PHF14: variants seen among roughly 807,000 people sequenced by gnomAD.
The protein encoded by PHF14 is PHD finger protein 14.
PHF14 carries 55 observed loss-of-function variants against 117.9 expected under a neutral mutation model. The ratio of observed to expected loss-of-function variants is 0.47; its 90% CI spans 0.38 to 0.58. The LOEUF (loss-of-function observed/expected upper bound fraction) is 0.58, where lower values mean the gene tolerates loss of function less well. Among genes scored for constraint, PHF14 ranks in the 20% least tolerant of loss-of-function variants. PHF14 has a pLI of 0.00. For synonymous variants in PHF14, 409 were observed against 368.6 expected (o/e 1.11, Z -1.26); for missense variants, 978 against 1,122.2 (o/e 0.87, Z 1.84).
At chr7:11,025,600 C>T (rs372843547) in intron 6 of PHF14, among the ~76,000 whole-genome samples, 13 of 151,820 alleles carry the variant, frequency 8.6e-5, no homozygotes, top group East Asian at 3.9e-4. Context: ...AAGACCATCC[C>T]GGGTAACACG....
Position 10,983,011 on chromosome 7 carries a change from A to G in PHF14, c.752A>G (p.Asn251Ser). The stretch of plus-strand genomic sequence containing the variant: ...GGAAGCGGGAGTGATGAAGACGAGA[A>G]TGATGAAGGCAATGATGAAGATCAT... The part of the protein sequence containing the change: ...DEGSGSDEDE[N>S]DEGNDEDHSS... Residue 251 changes from asparagine (N) to serine (S), a missense_variant, in exon 3 of 18, where the codon AAT (asparagine) becomes AGT (serine). Physicochemically the swap from Asn to Ser is conservative, Grantham distance 46 (BLOSUM62 1). Coordinates refer to ENST00000634607, the MANE Select transcript of PHF14 (RefSeq NM_001007157.2). 1 of 1,584,762 alleles carries G rather than the reference A, an allele frequency of 6.3e-7. No individual in the cohort carries two copies. The highest frequency in any genetic ancestry group is 1.1e-5 in the South Asian group (1 of 88,106).
chr7:11,168,770 C>T (rs182994723), intron 17 of PHF14, among the ~76,000 whole-genome samples: 83 of 152,190 alleles, frequency 5.5e-4, no homozygotes, highest in Admixed American at 1.2e-3. Flanking sequence ...ATTGCTTATA[C>T]TTTGAAGGTT....
intron 16 of PHF14, among the ~76,000 whole-genome samples, chr7:11,067,585 A>G (rs1257209604): frequency 6.6e-6 from 1 of 152,226 alleles, no homozygotes; most frequent in Non-Finnish European, 1.5e-5. Context: ...TAAAGGATAA[A>G]CAAAATGTAG....
chr7:11,067,370 G>A (rs1467385819), intron 16 of PHF14, among the ~76,000 whole-genome samples: 8 of 152,036 alleles, frequency 5.3e-5, no homozygotes, highest in African/African-American at 1.9e-4. Context: ...TTGCCCTTGG[G>A]AATATAAAAT....
chr7:11,101,172 T>C (rs963316320), intron 16 of PHF14, among the ~76,000 whole-genome samples: 1 of 151,950 alleles, frequency 6.6e-6, no homozygotes, highest in Non-Finnish European at 1.5e-5. Context: ...AATAGCTTTT[T>C]AGTTTTTATC....
intron 4 of PHF14, among the ~76,000 whole-genome samples, chr7:10,991,136 G>A (rs531244655): frequency 1.3e-5 from 2 of 150,910 alleles, no homozygotes; most frequent in African/African-American, 2.4e-5. Flanking sequence ...GACTACAGGC[G>A]CCCACCACCA....
At chr7:11,168,167 T>A (rs1789265141) in intron 17 of PHF14, among the ~76,000 whole-genome samples, 1 of 152,180 alleles carries the variant, frequency 6.6e-6, no homozygotes, top group Non-Finnish European at 1.5e-5. Flanking sequence ...AAACAGTGGC[T>A]ATCATACTTG....
At position 10,973,889 on chromosome 7, in the gene PHF14, G is replaced by C. The variant is rs1002443078; in HGVS notation, c.-435G>C. 1.2e-5 allele frequency: 2 copies of C among 170,610 alleles called. No homozygotes were observed. The highest frequency in any genetic ancestry group is 5.8e-5 in the Admixed American group (1 of 17,172). 10.6% of individuals were successfully genotyped at this position (170,610 alleles called of 1,614,324 possible). ...GTGTTTTCACTTCCTTTTCAGAGCT[G>C]TATCCGGGTCGCTGCTTTCCCTATT... is the stretch of plus-strand genomic sequence containing the variant. On this transcript the variant is annotated 5_prime_UTR_variant, in exon 1 of 18. Transcript: ENST00000634607.
intron 16 of PHF14, among the ~76,000 whole-genome samples, chr7:11,064,730 G>A (rs1785366637): frequency 6.6e-6 from 1 of 151,936 alleles, no homozygotes; most frequent in African/African-American, 2.4e-5. Flanking sequence ...CATGCAATTT[G>A]TCAGTACATT....
At chr7:11,075,583 T>A (rs1054044453) in intron 16 of PHF14, among the ~76,000 whole-genome samples, 9 of 147,162 alleles carry the variant, frequency 6.1e-5, no homozygotes, top group African/African-American at 7.5e-5. Context: ...TTTTTTTTTT[T>A]TTTTTTTATT....
intron 13 of PHF14, among the ~76,000 whole-genome samples, chr7:11,044,250 A>G (rs897607076): frequency 1.1e-4 from 17 of 152,062 alleles, no homozygotes; most frequent in African/African-American, 3.9e-4. Flanking sequence ...TTCATATTCC[A>G]AACCTCAGTA....
intron 17 of PHF14, among the ~76,000 whole-genome samples, chr7:11,122,769 C>G (rs148313137): frequency 6.6e-6 from 1 of 152,178 alleles, no homozygotes; most frequent in East Asian, 1.9e-4. Flanking sequence ...CCTTCCACTG[C>G]CCTATAGTTC....
intron 14 of PHF14, among the ~76,000 whole-genome samples, chr7:11,058,974 G>A (rs1020281526): frequency 6.6e-6 from 1 of 151,976 alleles, no homozygotes; most frequent in Non-Finnish European, 1.5e-5. Context: ...TATGTGTCTT[G>A]TGTTATTTTA....
At chr7:11,123,700 A>G (rs1446789211) in intron 17 of PHF14, among the ~76,000 whole-genome samples, 2 of 152,062 alleles carry the variant, frequency 1.3e-5, no homozygotes, top group Non-Finnish European at 2.9e-5. Context: ...GAATCACTTG[A>G]ACCCAGGAGG....
intron 4 of PHF14, among the ~76,000 whole-genome samples, chr7:11,011,587 T>C (rs1180231174): frequency 6.6e-6 from 1 of 152,200 alleles, no homozygotes; most frequent in Non-Finnish European, 1.5e-5. Context: ...ATTTTATCTT[T>C]AGAAATGACC....
chr7:11,004,751 T>G (rs1368596115), intron 4 of PHF14, among the ~76,000 whole-genome samples: 1 of 151,724 alleles, frequency 6.6e-6, no homozygotes, highest in Non-Finnish European at 1.5e-5. Flanking sequence ...AGACGTATAA[T>G]GTGGCTGGGT....
intron 4 of PHF14, among the ~76,000 whole-genome samples, chr7:11,002,629 G>C (rs1782916752): frequency 6.6e-6 from 1 of 151,874 alleles, no homozygotes; most frequent in Non-Finnish European, 1.5e-5. Context: ...TTTTATTAGA[G>C]ACGGGATTTC....
intron 3 of PHF14, among the ~76,000 whole-genome samples, chr7:10,985,165 G>C (rs1782173002): frequency 6.6e-6 from 1 of 152,040 alleles, no homozygotes. Context: ...TTATTTGTAT[G>C]ATCTTAATTT....
At position 11,038,221 on chromosome 7, in the gene PHF14, A is replaced by G. The variant is rs577091247; in HGVS notation, c.1981-539A>G. ...GAGGTCAAGAGATCGAGACCATCCT[A>G]GGAGTTTGAGACCAGCCTGGCCAAC... On this transcript the variant is annotated intron_variant, in intron 10 of 17. Coordinates refer to ENST00000634607, the MANE Select transcript of PHF14 (RefSeq NM_001007157.2). 1.8e-4 allele frequency among the ~76,000 whole-genome samples: 28 copies of G among 152,136 alleles called. 1 individual carries two copies. In the South Asian group the frequency reaches 5.4e-3, roughly 29 times the overall value.
Sources: gnomAD v4.1 joint callset for allele counts (sites outside exome capture counted in the v4.1 genomes callset) on GRCh38, gnomAD v4.1.1 for gene constraint, MANE v1.5 for transcripts, NCBI Gene and HGNC (gene_info 2026-07-23, HGNC 2026-07-21) for gene names.